PIK3IP1: variants seen among roughly 807,000 people sequenced by gnomAD.
The protein encoded by PIK3IP1 is phosphoinositide-3-kinase-interacting protein 1.
In PIK3IP1, 28 loss-of-function variants were observed where a neutral mutation model predicts 30.7. The observed-to-expected ratio is 0.91, with a 90% CI of 0.68 to 1.25. The LOEUF is 1.25. Ranked by LOEUF, PIK3IP1 falls within the 50% of genes most tolerant of loss-of-function variation. PIK3IP1 has a pLI of 0.00. For missense variants in PIK3IP1, 333 were observed against 346.2 expected (o/e 0.96, Z 0.30); for synonymous variants, 159 against 140.8 (o/e 1.13, Z -0.91).
Position 31,291,475 on chromosome 22 carries a change from C to G in PIK3IP1, c.71-179G>C, listed in dbSNP as rs1466964443. ...ACACCCCCACGCCCCACGCACCCCC[C>G]CCCCCCAACTCCACGCACACCTCAG... On this transcript the variant is annotated intron_variant, in intron 1 of 5. Coordinates refer to ENST00000215912, the MANE Select transcript of PIK3IP1 (RefSeq NM_052880.5). 4.8e-4 allele frequency among the ~76,000 whole-genome samples: 72 copies of G among 150,530 alleles called. 3 individuals carry two copies. In the South Asian group the frequency reaches 0.015, roughly 31 times the overall value.
rs745969119 is a variant in PIK3IP1, at chr22:31,289,303, G to C, written c.587+12C>G. ...CCTCCTCCTAAGAGGGCCCAGAAGA[G>C]AAGCTACTGACCTCTTGTAGGAGTA... On this transcript the variant is annotated intron_variant, in intron 5 of 5. Coordinates refer to ENST00000215912, the MANE Select transcript of PIK3IP1 (RefSeq NM_052880.5). 2.5e-6 allele frequency: 4 copies of C among 1,613,494 alleles called. No homozygotes were observed. Among genetic ancestry groups the C allele is most frequent in the Non-Finnish European group, 3.4e-6 (4 of 1,179,432 alleles).
intron 5 of PIK3IP1, among the ~76,000 whole-genome samples, chr22:31,283,523 T>C (rs1247867335): frequency 6.6e-6 from 1 of 151,802 alleles, no homozygotes; most frequent in Non-Finnish European, 1.5e-5. Context: ...ATCTGTAAAA[T>C]AGGGTGACAG....
At chr22:31,291,375 G>A (rs1003511431) in intron 1 of PIK3IP1, 79 bp from the exon 2 acceptor site, 2 of 1,377,012 alleles carry the variant, frequency 1.5e-6, no homozygotes, top group South Asian at 1.2e-5. Flanking sequence ...CAGGGGAGCC[G>A]GGACCACCCG....
Position 31,290,954 on chromosome 22 carries a change from C to A in PIK3IP1, c.307+11G>T, listed in dbSNP as rs763139396. On this transcript the variant is annotated intron_variant, in intron 3 of 5. Coordinates refer to ENST00000215912, the MANE Select transcript of PIK3IP1 (RefSeq NM_052880.5). ...CCAGGAGCGGGGATTCCCGGGGTCC[C>A]GGGCAGGTACCTGGACAGCGCAGGT... 3 of 1,566,268 alleles carry A rather than the reference C, an allele frequency of 1.9e-6. No homozygotes were observed. Among genetic ancestry groups the A allele is most frequent in the Non-Finnish European group, 2.6e-6 (3 of 1,160,378 alleles).
At chr22:31,284,151 G>A (rs1288600207) in intron 5 of PIK3IP1, among the ~76,000 whole-genome samples, 3 of 151,682 alleles carry the variant, frequency 2.0e-5, no homozygotes, top group African/African-American at 4.8e-5. Flanking sequence ...TGATCCACCC[G>A]CCTCAGCATC....
At position 31,285,490 on chromosome 22, in the gene PIK3IP1, C is replaced by T. The variant is rs117204335; in HGVS notation, c.588-2202G>A. Reference sequence around the variant, plus strand: ...TGGGATTTGAACCCAGTCTTAGCACCGGCAATATTGTCTTTTTAGGAAATA... The same window carrying T: ...TGGGATTTGAACCCAGTCTTAGCACTGGCAATATTGTCTTTTTAGGAAATA... On this transcript the variant is annotated intron_variant, in intron 5 of 5. Transcript: ENST00000215912. Among the ~76,000 whole-genome samples the T allele has an allele frequency of 4.1e-4, 63 of 152,224 alleles. No individual in the cohort carries two copies. The East Asian group carries it at 0.011, about 28-fold the overall frequency.
Position 31,292,332 on chromosome 22 carries a change from A to G in PIK3IP1, c.13T>C (p.Trp5Arg). The change falls in exon 1 of 6, where the codon TGG becomes CGG. Residue 5 changes from tryptophan to arginine, a missense_variant. This residue lies in a region of PIK3IP1 where 111 missense variants were observed against 100.1 expected (regional missense o/e 1.11). Transcript: ENST00000215912. ...TTGCTGACGAGGAATGCTTGTACCCAGGCCAACAGCATCCTTGCCTCCTTC... is the reference window on the plus strand; with the variant it reads ...TTGCTGACGAGGAATGCTTGTACCCGGGCCAACAGCATCCTTGCCTCCTTC... MLLA[W>R]VQAFLVSNML... 1 of 1,614,158 alleles carries G rather than the reference A, an allele frequency of 6.2e-7. No homozygotes were observed. Among genetic ancestry groups the G allele is most frequent in the Non-Finnish European group, 8.5e-7 (1 of 1,179,996 alleles).
rs2049141006 is a variant in PIK3IP1, at chr22:31,287,473, A to C, written c.587+1842T>G. Among the ~76,000 whole-genome samples, 2 of 149,780 alleles carry C rather than the reference A, an allele frequency of 1.3e-5. 1 individual carries two copies. Among genetic ancestry groups the C allele is most frequent in the Admixed American group, 1.3e-4 (2 of 14,964 alleles). ...AGCCTCCCAAGTAGCCGGGATTACAAGTGCCCGCCACCACGCCTGGCTAAT... is the reference window on the plus strand; with the variant it reads ...AGCCTCCCAAGTAGCCGGGATTACACGTGCCCGCCACCACGCCTGGCTAAT... On this transcript the variant is annotated intron_variant, in intron 5 of 5. Transcript: ENST00000215912.
intron 5 of PIK3IP1, chr22:31,288,993 G>A (rs1296098603): frequency 4.0e-6 from 2 of 498,850 alleles, no homozygotes; most frequent in Non-Finnish European, 7.1e-6. Flanking sequence ...CAGACAGCAG[G>A]GAATTTGCTA....
chr22:31,292,216 G>A, intron 1 of PIK3IP1, 59 bp downstream of exon 1: 1 of 1,536,320 alleles, frequency 6.5e-7, no homozygotes. Flanking sequence ...TGGGAAATAG[G>A]GGGCTTTACC....
chr22:31,282,141 C>T lies in PIK3IP1; in HGVS notation c.*943G>A, dbSNP rs1004694829. ...AGGAAGGTGCTGACCTGGACGCCCG[C>T]AGGACCACCTGCTAAATCAGGCCCA... On this transcript the variant is annotated 3_prime_UTR_variant, in exon 6 of 6. Coordinates refer to ENST00000215912, the MANE Select transcript of PIK3IP1 (RefSeq NM_052880.5). 6.6e-6 allele frequency: 1 copy of T among 152,284 alleles called. No individual in the cohort carries two copies. The highest frequency in any genetic ancestry group is 1.5e-5 in the Non-Finnish European group (1 of 68,102). The allele number at this position is 152,284 out of a possible 1,614,324, so 9.4% of individuals were successfully genotyped here.
rs1196881514 is a variant in PIK3IP1 at position 31,283,118 on chromosome 22, G to A, written c.758C>T (p.Pro253Leu). ...TPVDPQEGTT[P>L]LMGQAGTPGA is the part of the protein sequence containing the mutation. ...AGGAGTCCCGGCCTGGCCCATAAGG[G>A]GGGTGGTGCCCTCCTGAGGGTCAAC... Residue 253 changes from proline (P) to leucine (L), a missense_variant, in exon 6 of 6, where the codon CCC becomes CTC. Physicochemically the swap from Pro to Leu is moderately conservative, Grantham distance 98. Coordinates refer to ENST00000215912, the MANE Select transcript of PIK3IP1 (RefSeq NM_052880.5). 3 of 1,611,578 alleles carry A rather than the reference G, an allele frequency of 1.9e-6. No individual in the cohort carries two copies. The highest frequency in any genetic ancestry group is 1.7e-6 in the Non-Finnish European group (2 of 1,178,934).
rs371846768 is a variant in PIK3IP1, at chr22:31,291,080, G to C, written c.192C>G (p.Ala64=). ...GGTTTCGGCAGTAACTGTGATTGCCGGCCCCTAAGAGAGGAGAGAAGGAAA... is the reference window on the plus strand; with the variant it reads ...GGTTTCGGCAGTAACTGTGATTGCCCGCCCCTAAGAGAGGAGAGAAGGAAA... ...SGLASAPVSG[A]GNHSYCRNPD... Residue 64 remains alanine, a synonymous_variant, in exon 3 of 6, where the codon GCC becomes GCG. Transcript: ENST00000215912. 61 of 1,552,878 alleles carry C rather than the reference G, an allele frequency of 3.9e-5. No homozygotes were observed. The highest frequency in any genetic ancestry group is 4.6e-5 in the Non-Finnish European group (53 of 1,148,014).
At position 31,291,069 on chromosome 22, in the gene PIK3IP1, C is replaced by G; in HGVS notation, c.203G>C (p.Ser68Thr). 6.4e-7 allele frequency: 1 copy of G among 1,557,274 alleles called. No individual in the cohort carries two copies. Among genetic ancestry groups the G allele is most frequent in the Admixed American group, 1.9e-5 (1 of 52,288 alleles). Residue 68 changes from serine (S) to threonine (T), a missense_variant, in exon 3 of 6, where the codon AGT becomes ACT. This residue lies in a region of PIK3IP1 where 111 missense variants were observed against 100.1 expected (regional missense o/e 1.11). Coordinates refer to ENST00000215912, the MANE Select transcript of PIK3IP1 (RefSeq NM_052880.5). ...GTCCTCGTCCGGGTTTCGGCAGTAACTGTGATTGCCGGCCCCTAAGAGAGG... is the reference window on the plus strand; with the variant it reads ...GTCCTCGTCCGGGTTTCGGCAGTAAGTGTGATTGCCGGCCCCTAAGAGAGG... Reference protein sequence around the residue: ...SAPVSGAGNHSYCRNPDEDPR... With the variant: ...SAPVSGAGNHTYCRNPDEDPR...
chr22:31,289,353 G>A lies in PIK3IP1; in HGVS notation c.549C>T (p.Ala183=). 6.2e-7 allele frequency: 1 copy of A among 1,613,552 alleles called. No individual in the cohort carries two copies. Among genetic ancestry groups the A allele is most frequent in the Admixed American group, 1.7e-5 (1 of 59,858 alleles). The change falls in exon 5 of 6, where the codon GCC becomes GCT. Residue 183 remains alanine (A), a synonymous_variant. Transcript: ENST00000215912. ...AGCCCAAGATGATGCCAGCTCCGATGGCAATGATGATCACCATCATGGTAA... is the reference window on the plus strand; with the variant it reads ...AGCCCAAGATGATGCCAGCTCCGATAGCAATGATGATCACCATCATGGTAA... The part of the protein sequence containing the change: ...LGITMMVIII[A]IGAGIILGYS...
At chr22:31,283,704 C>T (rs548229207) in intron 5 of PIK3IP1, among the ~76,000 whole-genome samples, 36 of 151,826 alleles carry the variant, frequency 2.4e-4, no homozygotes, top group Admixed American at 1.4e-3. Flanking sequence ...GGATTACAGG[C>T]GTGAGCCACT....
intron 5 of PIK3IP1, among the ~76,000 whole-genome samples, chr22:31,286,604 G>A (rs886675277): frequency 1.3e-5 from 2 of 152,164 alleles, no homozygotes; most frequent in Admixed American, 1.3e-4. Context: ...GGGCAGTCTC[G>A]TGACAGCCTA....
chr22:31,290,070 C>A (rs554807501), intron 3 of PIK3IP1: 1 of 191,624 alleles, frequency 5.2e-6, no homozygotes, highest in Admixed American at 5.7e-5. Context: ...TCTAAGCGTA[C>A]GCTCTGTGCC....
chr22:31,290,468 G>T (rs2049165555), intron 3 of PIK3IP1: 1 of 153,990 alleles, frequency 6.5e-6, no homozygotes, highest in African/African-American at 2.4e-5. Context: ...TGCTTTGGGA[G>T]CAAAAAGCCT....
Sources: allele counts gnomAD v4.1 joint callset (sites outside exome capture counted in the v4.1 genomes callset), GRCh38; gene constraint gnomAD v4.1.1; regional missense constraint gnomAD v4.1.1; transcripts MANE v1.5; gene names NCBI Gene and HGNC (gene_info 2026-07-23, HGNC 2026-07-21).